UBE2Q2: variants seen among roughly 807,000 people sequenced by gnomAD.
UBE2Q2 encodes ubiquitin conjugating enzyme E2 Q2.
UBE2Q2 carries 54 observed loss-of-function variants against 59.9 expected under a neutral mutation model. The observed-to-expected ratio is 0.90, with a 90% CI of 0.72 to 1.13. The LOEUF (loss-of-function observed/expected upper bound fraction) is 1.13, where lower values mean the gene tolerates loss of function less well. Among genes scored for constraint, UBE2Q2 ranks in the 50% most tolerant of loss-of-function variants. The pLI is 0.00. For synonymous variants in UBE2Q2, 165 were observed against 155.2 expected, an observed-to-expected ratio of 1.06 and a Z score of -0.47; for missense variants, 433 against 441.9, an observed-to-expected ratio of 0.98 and a Z score of 0.18.
intron 3 of UBE2Q2, among the ~76,000 whole-genome samples, chr15:75,866,577 T>C (rs1897491517): frequency 6.6e-6 from 1 of 152,202 alleles, no homozygotes; most frequent in Non-Finnish European, 1.5e-5. Context: ...CTTCATCCTC[T>C]GGATGAATGT....
intron 12 of UBE2Q2, among the ~76,000 whole-genome samples, chr15:75,897,598 CTTTTT>C (rs759708761): frequency 4.4e-5 from 6 of 135,602 alleles, no homozygotes; most frequent in African/African-American, 1.6e-4. Context: ...ATCAAGATTT[CTTTTT>C]TTTTTTTTTT....
intron 9 of UBE2Q2, among the ~76,000 whole-genome samples, chr15:75,890,137 A>G (rs1039795813): frequency 6.6e-6 from 1 of 152,234 alleles, no homozygotes. Context: ...TTCTGCCCCT[A>G]TTCTTTGGAA....
chr15:75,897,324 C>T (rs974800111), intron 12 of UBE2Q2, among the ~76,000 whole-genome samples: 10 of 152,030 alleles, frequency 6.6e-5, no homozygotes, highest in African/African-American at 1.9e-4. Flanking sequence ...CTGCCAGCTC[C>T]GCCTCCCAGG....
rs1384211759 is a variant in UBE2Q2 at position 75,899,882 on chromosome 15, T to G, written c.*424T>G. 1 of 153,046 alleles carries G rather than the reference T, an allele frequency of 6.5e-6. No individual in the cohort carries two copies. Among genetic ancestry groups the G allele is most frequent in the African/African-American group, 2.4e-5 (1 of 41,496 alleles). The allele number at this position is 153,046 out of a possible 1,614,324, so 9.5% of individuals were successfully genotyped here. On this transcript the variant is annotated 3_prime_UTR_variant, in exon 13 of 13. Coordinates refer to ENST00000267938, the MANE Select transcript of UBE2Q2 (RefSeq NM_173469.4). ...GGTTTAATCGATGTTCAATATTGGT[T>G]TAGGAAATTTAAGGCCTTCTAAATC...
chr15:75,844,342 G>A, intron 1 of UBE2Q2: 2 of 1,550,266 alleles, frequency 1.3e-6, no homozygotes, highest in Non-Finnish European at 1.7e-6. Flanking sequence ...TGCGTTTAAG[G>A]AGAAACTGAC....
At chr15:75,884,434 GT>G (rs1898639141) in intron 9 of UBE2Q2, among the ~76,000 whole-genome samples, 1 of 152,108 alleles carries the variant, frequency 6.6e-6, no homozygotes, top group African/African-American at 2.4e-5. Flanking sequence ...GCTTATATAT[GT>G]GTTTTGGGGG....
chr15:75,880,165 T>A (rs1034585487), intron 8 of UBE2Q2, among the ~76,000 whole-genome samples: 1 of 152,150 alleles, frequency 6.6e-6, no homozygotes, highest in Non-Finnish European at 1.5e-5. Context: ...CAGGCTGGAG[T>A]TCAGTGGCAC....
Position 75,900,358 on chromosome 15 carries a change from T to G in UBE2Q2, c.*900T>G, listed in dbSNP as rs1899687672. ...AAAAAGATACTTAATTTGGAGACTC[T>G]TACAGTAATTTTTGCCATGTCAAAA... On this transcript the variant is annotated 3_prime_UTR_variant, in exon 13 of 13. Transcript: ENST00000267938. The G allele has an allele frequency of 6.6e-6, 1 of 152,612 alleles. No individual in the cohort carries two copies. The highest frequency in any genetic ancestry group is 2.1e-4 in the South Asian group (1 of 4,828). 9.5% of individuals were successfully genotyped at this position (152,612 alleles called of 1,614,324 possible). A position where few individuals can be genotyped will look rare whatever the true frequency, so the allele number is the denominator to read the frequency against.
intron 12 of UBE2Q2, among the ~76,000 whole-genome samples, chr15:75,897,380 A>T (rs1899489078): frequency 6.6e-6 from 1 of 151,868 alleles, no homozygotes; most frequent in African/African-American, 2.4e-5. Context: ...CTGGGACTAC[A>T]GGTGCCTTTT....
chr15:75,890,292 G>A (rs1899022264), intron 9 of UBE2Q2, 143 bp from the exon 10 acceptor site: 2 of 619,870 alleles, frequency 3.2e-6, no homozygotes, highest in East Asian at 2.8e-5. Flanking sequence ...CCATAGTCCT[G>A]TATCCCTAAC....
chr15:75,877,115 TG>T (rs1168417785), intron 6 of UBE2Q2, among the ~76,000 whole-genome samples: 1 of 118,946 alleles, frequency 8.4e-6, no homozygotes, highest in African/African-American at 3.2e-5. Flanking sequence ...GAGCCAAGAT[TG>T]CACCACCGCA....
At chr15:75,845,704 A>G (rs754630535) in intron 1 of UBE2Q2, among the ~76,000 whole-genome samples, 12 of 152,230 alleles carry the variant, frequency 7.9e-5, no homozygotes, top group Non-Finnish European at 1.5e-4. Context: ...ATTTAGTGCT[A>G]GGAGTACAGG....
At chr15:75,873,638 C>T in intron 5 of UBE2Q2, 70 bp downstream of exon 5, 1 of 1,493,530 alleles carries the variant, frequency 6.7e-7, no homozygotes, top group Non-Finnish European at 9.1e-7. Context: ...CCAGGCAATT[C>T]ATTAACATGC....
intron 5 of UBE2Q2, among the ~76,000 whole-genome samples, chr15:75,875,827 C>T (rs1385691776): frequency 1.3e-5 from 2 of 151,558 alleles, no homozygotes; most frequent in Admixed American, 6.6e-5. Context: ...TTTGGGAGGC[C>T]GAGGCAGGCA....
At position 75,900,422 on chromosome 15, in the gene UBE2Q2, A is replaced by G. The variant is rs1040097874; in HGVS notation, c.*964A>G. 1 of 152,652 alleles carries G rather than the reference A, an allele frequency of 6.6e-6. No individual in the cohort carries two copies. Among genetic ancestry groups the G allele is most frequent in the Non-Finnish European group, 1.5e-5 (1 of 68,040 alleles). The allele number at this position is 152,652 out of a possible 1,614,324, so 9.5% of individuals were successfully genotyped here. A position where few individuals can be genotyped will look rare whatever the true frequency, so the allele number is the denominator to read the frequency against. On this transcript the variant is annotated 3_prime_UTR_variant, in exon 13 of 13. Coordinates refer to ENST00000267938, the MANE Select transcript of UBE2Q2 (RefSeq NM_173469.4). ...ATTGAAAGATTAATAGAAACTCTACATATGTTAATTTTTTTATAGAACCTG... is the reference window on the plus strand; with the variant it reads ...ATTGAAAGATTAATAGAAACTCTACGTATGTTAATTTTTTTATAGAACCTG...
intron 9 of UBE2Q2, among the ~76,000 whole-genome samples, chr15:75,883,741 T>C (rs749570448): frequency 2.0e-5 from 3 of 152,194 alleles, no homozygotes; most frequent in Non-Finnish European, 4.4e-5. Context: ...AAGTTGATGC[T>C]GTTGTTCTGG....
In UBE2Q2 at chr15:75,843,560, A is replaced by C; in HGVS notation, c.-107A>C. Reference sequence around the variant, plus strand: ...AGGCGGAGCCGCGAGAGCGCGGCCCAGGCCGGCCCCGCGGGGCGGTCGCGG... The same window carrying C: ...AGGCGGAGCCGCGAGAGCGCGGCCCCGGCCGGCCCCGCGGGGCGGTCGCGG... On this transcript the variant is annotated 5_prime_UTR_variant, in exon 1 of 13. Coordinates refer to ENST00000267938, the MANE Select transcript of UBE2Q2 (RefSeq NM_173469.4). The C allele has an allele frequency of 2.6e-5, 21 of 805,956 alleles. No homozygotes were observed. Among genetic ancestry groups the C allele is most frequent in the Non-Finnish European group, 3.1e-5 (18 of 581,706 alleles). 49.9% of individuals were successfully genotyped at this position (805,956 alleles called of 1,614,324 possible).
intron 1 of UBE2Q2, among the ~76,000 whole-genome samples, chr15:75,851,305 T>G (rs1007274332): frequency 3.9e-5 from 6 of 152,076 alleles, no homozygotes; most frequent in African/African-American, 1.4e-4. Context: ...TTGCCTAGGC[T>G]TCTTTTTTGA....
intron 1 of UBE2Q2, among the ~76,000 whole-genome samples, chr15:75,850,729 G>A (rs1292277657): frequency 2.0e-5 from 3 of 152,124 alleles, no homozygotes; most frequent in Non-Finnish European, 4.4e-5. Flanking sequence ...GAAAGTGGAG[G>A]GGAAGGCAGC....
Sources: allele counts gnomAD v4.1 joint callset (sites outside exome capture counted in the v4.1 genomes callset), GRCh38; gene constraint gnomAD v4.1.1; transcripts MANE v1.5; gene names NCBI Gene and HGNC (gene_info 2026-07-23, HGNC 2026-07-21).